The following LNX1 variants were observed in gnomAD, a reference collection of about 807,000 sequenced individuals.
The protein encoded by LNX1 is ligand of numb-protein X 1.
In LNX1, 54 loss-of-function variants were observed where a neutral mutation model predicts 68.4. The ratio of observed to expected loss-of-function variants is 0.79; its 90% confidence interval spans 0.63 to 0.99. The LOEUF is 0.99. LNX1 is among the 50% of genes least tolerant of loss of function. The probability of loss-of-function intolerance (pLI) is 0.00; values close to 1 mark genes in which losing one functional copy is unlikely to be tolerated. For missense variants in LNX1, 906 were observed against 926.4 expected, an observed-to-expected ratio of 0.98 and a Z score of 0.29; for synonymous variants, 336 against 350.0, an observed-to-expected ratio of 0.96 and a Z score of 0.45.
chr4:53,506,856 T>TAAAAAAAAATAAAAAAAAAAAAAAAA (rs1725918254), intron 4 of LNX1, among the ~76,000 whole-genome samples: 1 of 54,204 alleles, frequency 1.8e-5, no homozygotes, highest in Non-Finnish European at 3.7e-5. Context: ...AAACTCTGTC[T>TAAAAAAAAATAAAAAAAAAAAAAAAA]AAAAAAAAAA....
intron 1 of LNX1, among the ~76,000 whole-genome samples, chr4:53,646,548 A>AT (rs1734887753): frequency 6.6e-6 from 1 of 152,180 alleles, no homozygotes; most frequent in Admixed American, 6.5e-5. Flanking sequence ...CCCAATCTAC[A>AT]TTTTTTGCTG....
intron 9 of LNX1, among the ~76,000 whole-genome samples, chr4:53,463,662 A>G (rs1246469830): frequency 6.6e-6 from 1 of 152,062 alleles, no homozygotes; most frequent in Non-Finnish European, 1.5e-5. Flanking sequence ...AGTATAAGGA[A>G]TAGCAAGGAG....
At chr4:53,566,471 C>G (rs1163588966) in intron 2 of LNX1, among the ~76,000 whole-genome samples, 219 of 151,564 alleles carry the variant, frequency 1.4e-3, no homozygotes, top group African/African-American at 5.1e-3. Flanking sequence ...CACCACCAGG[C>G]CTGCCCTAAA....
chr4:53,474,074 T>C (rs1441896521), intron 9 of LNX1, among the ~76,000 whole-genome samples: 3 of 152,230 alleles, frequency 2.0e-5, no homozygotes, highest in African/African-American at 7.2e-5. Flanking sequence ...CCTATAGGAA[T>C]GAAGTGATAC....
At chr4:53,597,895 T>G (rs1732824137) in intron 2 of LNX1, among the ~76,000 whole-genome samples, 1 of 152,228 alleles carries the variant, frequency 6.6e-6, no homozygotes, top group Admixed American at 6.5e-5. Context: ...ACAACCAGAC[T>G]GGACATTTTT....
At chr4:53,510,927 G>A (rs1726286304) in intron 2 of LNX1, among the ~76,000 whole-genome samples, 1 of 152,196 alleles carries the variant, frequency 6.6e-6, no homozygotes, top group Non-Finnish European at 1.5e-5. Context: ...ATCAATGGGG[G>A]TTACAGTATT....
intron 9 of LNX1, among the ~76,000 whole-genome samples, chr4:53,463,817 G>C (rs1279965568): frequency 2.6e-5 from 4 of 151,936 alleles, no homozygotes; most frequent in African/African-American, 9.7e-5. Context: ...AAGAAGCTAA[G>C]TTTTTTTCTA....
chr4:53,538,484 G>T (rs1024870187), intron 2 of LNX1, among the ~76,000 whole-genome samples: 3 of 152,118 alleles, frequency 2.0e-5, no homozygotes, highest in African/African-American at 7.2e-5. Flanking sequence ...CTGCTTTTTT[G>T]AATGCATGAG....
intron 2 of LNX1, among the ~76,000 whole-genome samples, chr4:53,552,798 C>T (rs1729605901): frequency 1.5e-5 from 2 of 137,858 alleles, no homozygotes; most frequent in Non-Finnish European, 3.0e-5. Flanking sequence ...CACTGTATTC[C>T]AGCCTGGGCA....
chr4:53,572,636 A>G (rs1177348817), intron 2 of LNX1, among the ~76,000 whole-genome samples: 1 of 152,210 alleles, frequency 6.6e-6, no homozygotes, highest in African/African-American at 2.4e-5. Context: ...TAATTGTGGT[A>G]TGATTGTTCA....
chr4:53,501,796 T>C (rs1311843969), intron 4 of LNX1: 5 of 152,222 alleles, frequency 3.3e-5, no homozygotes, highest in African/African-American at 7.2e-5. Flanking sequence ...TGTGACGACA[T>C]TGATACCAGG....
At chr4:53,577,254 T>C (rs1358885067) in intron 1 of LNX1, among the ~76,000 whole-genome samples, 3 of 152,204 alleles carry the variant, frequency 2.0e-5, no homozygotes, top group Admixed American at 1.3e-4. Context: ...GGAAAAATGG[T>C]TCACACAGGA....
chr4:53,542,234 C>G (rs1430136209), intron 2 of LNX1, among the ~76,000 whole-genome samples: 3 of 152,016 alleles, frequency 2.0e-5, no homozygotes, highest in Non-Finnish European at 2.9e-5. Flanking sequence ...TCCAGAAAAC[C>G]AGGGATAAAT....
At chr4:53,590,084 C>CG (rs2109818771) in intron 1 of LNX1, among the ~76,000 whole-genome samples, 1 of 152,216 alleles carries the variant, frequency 6.6e-6, no homozygotes, top group South Asian at 2.1e-4. Context: ...AACCCCCCCC[C>CG]TTAAACTCAC....
At chr4:53,600,123 G>A (rs1214413790) in intron 2 of LNX1, among the ~76,000 whole-genome samples, 1 of 152,160 alleles carries the variant, frequency 6.6e-6, no homozygotes, top group African/African-American at 2.4e-5. Context: ...TATATAGTCA[G>A]TGCTCAGTGG....
intron 1 of LNX1, chr4:53,575,933 G>C: frequency 6.4e-7 from 1 of 1,566,610 alleles, no homozygotes; most frequent in Non-Finnish European, 8.6e-7. Context: ...CTTGGGGTCA[G>C]CACCAACCTG....
chr4:53,548,234 C>T (rs1729245778), intron 2 of LNX1, among the ~76,000 whole-genome samples: 1 of 152,128 alleles, frequency 6.6e-6, no homozygotes, highest in African/African-American at 2.4e-5. Context: ...CCCATTCCTT[C>T]CAAGACCAAC....
intron 3 of LNX1, 114 bp from the exon 4 acceptor site, chr4:53,507,583 G>C (rs1332580981): frequency 1.7e-6 from 2 of 1,174,180 alleles, no homozygotes; most frequent in Admixed American, 2.6e-5. Flanking sequence ...CCTCTGGGTG[G>C]TAGGATTGTA....
chr4:53,461,890 ATATGTAT>A (rs1381006785), intron 9 of LNX1, among the ~76,000 whole-genome samples: 1 of 152,136 alleles, frequency 6.6e-6, no homozygotes, highest in Non-Finnish European at 1.5e-5. Flanking sequence ...CAATGCTTGA[ATATGTAT>A]TAGCAAAAAG....
Sources: gnomAD v4.1 joint callset for allele counts (sites outside exome capture counted in the v4.1 genomes callset) on GRCh38, gnomAD v4.1.1 for gene constraint, MANE v1.5 for transcripts, NCBI Gene and HGNC (gene_info 2026-07-23, HGNC 2026-07-21) for gene names.